The following ATF7IP2 variants were observed in gnomAD, a reference collection of about 807,000 sequenced individuals.
ATF7IP2 encodes the protein activating transcription factor 7-interacting protein 2.
ATF7IP2 carries 42 observed loss-of-function variants against 64.2 expected under a neutral mutation model. The ratio of observed to expected loss-of-function variants is 0.65; its 90% CI spans 0.51 to 0.85. ATF7IP2 has a LOEUF of 0.85. ATF7IP2 is among the 40% of genes least tolerant of loss of function. The pLI is 0.00. For synonymous variants in ATF7IP2, 308 were observed against 272.8 expected, an observed-to-expected ratio of 1.13 and a Z score of -1.27; for missense variants, 933 against 784.2, an observed-to-expected ratio of 1.19 and a Z score of -2.27.
chr16:10,442,283 T>A (rs2048653888), intron 8 of ATF7IP2, among the ~76,000 whole-genome samples: 1 of 152,194 alleles, frequency 6.6e-6, no homozygotes, highest in African/African-American at 2.4e-5. Context: ...TTCCTAACAA[T>A]TTTCCCCCTC....
chr16:10,416,365 T>A (rs1466191418), intron 2 of ATF7IP2, among the ~76,000 whole-genome samples: 1 of 152,254 alleles, frequency 6.6e-6, no homozygotes, highest in Admixed American at 6.5e-5. Flanking sequence ...GGCACACTTA[T>A]GTTCTCACTT....
At chr16:10,456,751 GC>G (rs1290242461) in intron 8 of ATF7IP2, among the ~76,000 whole-genome samples, 1 of 152,114 alleles carries the variant, frequency 6.6e-6, no homozygotes, top group African/African-American at 2.4e-5. Flanking sequence ...GGTGAATTGG[GC>G]CCCCTAATCC....
chr16:10,481,189 C>T (rs1463515437), intron 13 of ATF7IP2, among the ~76,000 whole-genome samples: 1 of 152,164 alleles, frequency 6.6e-6, no homozygotes, highest in Non-Finnish European at 1.5e-5. Flanking sequence ...GGAAAAGAAG[C>T]AATAGCCATT....
chr16:10,478,864 G>A (rs1398063161), intron 12 of ATF7IP2, among the ~76,000 whole-genome samples: 1 of 152,064 alleles, frequency 6.6e-6, no homozygotes, highest in Non-Finnish European at 1.5e-5. Flanking sequence ...ACTTCTCAAA[G>A]GAAGACATTT....
At position 10,430,803 on chromosome 16, in the gene ATF7IP2, G is replaced by T. The variant is rs1304030898; in HGVS notation, c.183G>T (p.Thr61=). 3.1e-6 allele frequency: 4 copies of T among 1,273,526 alleles called. No homozygotes were observed. In the African/African-American group the frequency reaches 8.1e-5, roughly 26 times the overall value. The allele number at this position is 1,273,526 out of a possible 1,614,324, so 78.9% of individuals were successfully genotyped here. Residue 61 remains threonine (T), a synonymous_variant, in exon 5 of 14, where the codon ACG becomes ACT. Coordinates refer to ENST00000562102, the MANE Select transcript of ATF7IP2 (RefSeq NM_001393719.1). ...TCAGTCCTAGTGTCATAACTAGGAC[G>T]ACTGAAATAACCAAATGTAGCCCTT... ...QSFSPSVITR[T]TEITKCSPSE... is the part of the protein sequence containing the mutation.
intron 8 of ATF7IP2, among the ~76,000 whole-genome samples, chr16:10,442,729 C>A (rs2048670591): frequency 1.3e-5 from 2 of 150,938 alleles, no homozygotes; most frequent in Non-Finnish European, 2.9e-5. Context: ...CAGACTCCAT[C>A]TTTTTCTGCT....
chr16:10,468,627 T>C (rs2049671468), intron 9 of ATF7IP2, among the ~76,000 whole-genome samples: 1 of 152,176 alleles, frequency 6.6e-6, no homozygotes, highest in Admixed American at 6.5e-5. Context: ...TTGACCAGAA[T>C]TTATGAAGTG....
In ATF7IP2 at chr16:10,483,565, C is replaced by CA. The variant is rs541891132; in HGVS notation, c.*1320dup. 1 of 152,164 alleles carries CA rather than the reference C, an allele frequency of 6.6e-6. No homozygotes were observed. The highest frequency in any genetic ancestry group is 1.5e-5 in the Non-Finnish European group (1 of 68,034). The allele number at this position is 152,164 out of a possible 1,614,324, so 9.4% of individuals were successfully genotyped here. A position where few individuals can be genotyped will look rare whatever the true frequency, so the allele number is the denominator to read the frequency against. The stretch of plus-strand genomic sequence containing the variant: ...GGTGAGAGTTCAGGCTCCAGAGACT[C>CA]AAAACGGAATGGTTTTCCTTGGCAT... On this transcript the variant is annotated 3_prime_UTR_variant, in exon 14 of 14. Transcript: ENST00000562102.
rs1217921153 is a variant in ATF7IP2, at chr16:10,407,083, G to A, written c.-241-7491G>A. Among the ~76,000 whole-genome samples, 4 of 152,144 alleles carry A rather than the reference G, an allele frequency of 2.6e-5. 1 individual carries two copies. The highest frequency in any genetic ancestry group is 9.7e-5 in the African/African-American group (4 of 41,436). ...TTTCACCTGGCTTCAACATGTGCTAGCTATCAATGTGATACATTATATCAA... is the reference window on the plus strand; with the variant it reads ...TTTCACCTGGCTTCAACATGTGCTAACTATCAATGTGATACATTATATCAA... On this transcript the variant is annotated intron_variant, in intron 1 of 13. Coordinates refer to ENST00000562102, the MANE Select transcript of ATF7IP2 (RefSeq NM_001393719.1).
intron 7 of ATF7IP2, 39 bp from the exon 8 acceptor site, chr16:10,440,325 C>T (rs765216959): frequency 1.8e-6 from 2 of 1,082,068 alleles, no homozygotes; most frequent in South Asian, 1.6e-5. Flanking sequence ...ATATATAGTA[C>T]TCTGGCTTAG....
At chr16:10,420,572 G>A (rs2047971816) in intron 3 of ATF7IP2, among the ~76,000 whole-genome samples, 1 of 152,218 alleles carries the variant, frequency 6.6e-6, no homozygotes. Flanking sequence ...GTAGCAACTA[G>A]GTGATCAGCC....
chr16:10,432,175 A>T (rs1211070669), intron 5 of ATF7IP2, among the ~76,000 whole-genome samples: 1 of 152,060 alleles, frequency 6.6e-6, no homozygotes, highest in Non-Finnish European at 1.5e-5. Flanking sequence ...TGTAAATCAC[A>T]TGCTAAGTAT....
chr16:10,405,526 G>A (rs1213307735), intron 1 of ATF7IP2, among the ~76,000 whole-genome samples: 2 of 152,188 alleles, frequency 1.3e-5, no homozygotes, highest in Admixed American at 1.3e-4. Flanking sequence ...ACAGGGGCTT[G>A]GGCCGTGAGA....
chr16:10,403,822 G>A (rs142922266), intron 1 of ATF7IP2, among the ~76,000 whole-genome samples: 2,928 of 152,262 alleles, frequency 0.019, 41 homozygotes, highest in Middle Eastern at 0.048. Context: ...ATTTTGGAAT[G>A]CATTTGAAAG....
intron 1 of ATF7IP2, among the ~76,000 whole-genome samples, chr16:10,390,228 C>G (rs74007077): frequency 1.3e-5 from 2 of 151,784 alleles, no homozygotes; most frequent in Admixed American, 6.6e-5. Flanking sequence ...GGAAAAAACC[C>G]AACTAAATCA....
At chr16:10,393,139 C>G (rs545880502) in intron 1 of ATF7IP2, among the ~76,000 whole-genome samples, 3 of 151,688 alleles carry the variant, frequency 2.0e-5, no homozygotes, top group South Asian at 2.1e-4. Flanking sequence ...GTGAAACCCC[C>G]TCTCTACTAA....
intron 3 of ATF7IP2, among the ~76,000 whole-genome samples, chr16:10,428,061 C>T (rs1352262271): frequency 6.6e-6 from 1 of 152,010 alleles, no homozygotes; most frequent in Non-Finnish European, 1.5e-5. Context: ...CAAAATTAAA[C>T]AGTATATTTG....
At chr16:10,415,280 C>A (rs2047848659) in intron 2 of ATF7IP2, among the ~76,000 whole-genome samples, 1 of 152,056 alleles carries the variant, frequency 6.6e-6, no homozygotes, top group African/African-American at 2.4e-5. Flanking sequence ...AAAAACAGAC[C>A]AAACAGTAGA....
rs181508868 is a variant in ATF7IP2 at position 10,433,395 on chromosome 16, G to A, written c.836-130G>A. ...TCACTATGTTGCCCAGGCTGGTCTT[G>A]AACTCCTGGCCTTAAGCCACCCTCC... On this transcript the variant is annotated intron_variant, in intron 5 of 13. Transcript: ENST00000562102. 4.7e-3 allele frequency: 3,509 copies of A among 742,844 alleles called. 14 individuals are homozygous for A. Among genetic ancestry groups the A allele is most frequent in the Non-Finnish European group, 6.2e-3 (2,851 of 461,166 alleles). The allele number at this position is 742,844 out of a possible 1,614,324, so 46.0% of individuals were successfully genotyped here. A position where few individuals can be genotyped will look rare whatever the true frequency, so the allele number is the denominator to read the frequency against.
Sources: allele counts gnomAD v4.1 joint callset (sites outside exome capture counted in the v4.1 genomes callset), GRCh38; gene constraint gnomAD v4.1.1; transcripts MANE v1.5; gene names NCBI Gene and HGNC (gene_info 2026-07-23, HGNC 2026-07-21).